The following MYRIP variants were observed in gnomAD, a reference collection of about 807,000 sequenced individuals.
The protein encoded by MYRIP is myosin VIIA and Rab interacting protein.
A neutral mutation model predicts 98.0 loss-of-function variants in MYRIP; 49 were observed. That is an observed-to-expected ratio of 0.50 (90% CI 0.40 to 0.63). MYRIP has a LOEUF of 0.63. MYRIP is among the 30% of genes least tolerant of loss of function. The pLI is 0.00. For missense variants in MYRIP, 1,004 were observed against 1,058.2 expected (o/e 0.95, Z 0.71); for synonymous variants, 404 against 409.5 (o/e 0.99, Z 0.16).
At chr3:39,945,480 A>AC (rs1294030878) in intron 2 of MYRIP, among the ~76,000 whole-genome samples, 1 of 142,060 alleles carries the variant, frequency 7.0e-6, no homozygotes, top group Non-Finnish European at 1.5e-5. Context: ...CCATCTCAAA[A>AC]AAAAAAAAAA....
At chr3:40,179,499 T>C (rs1950839737) in intron 8 of MYRIP, among the ~76,000 whole-genome samples, 1 of 152,188 alleles carries the variant, frequency 6.6e-6, no homozygotes, top group Non-Finnish European at 1.5e-5. Flanking sequence ...TCTGAGCCAC[T>C]GCAAAAATGA....
intron 2 of MYRIP, among the ~76,000 whole-genome samples, chr3:40,019,143 T>C (rs1946934838): frequency 6.6e-6 from 1 of 152,214 alleles, no homozygotes; most frequent in Non-Finnish European, 1.5e-5. Flanking sequence ...AGATTGATAG[T>C]TTCATTGCCC....
upstream of MYRIP, among the ~76,000 whole-genome samples, chr3:39,809,326 G>A (rs1940576367): frequency 2.7e-5 from 4 of 150,942 alleles, no homozygotes; most frequent in South Asian, 8.3e-4. Context: ...GCAGGGAAGA[G>A]CCCCGGGAGG....
At chr3:40,250,386 CAA>C in intron 14 of MYRIP, 51 bp from the exon 15 acceptor site, 1 of 1,613,144 alleles carries the variant, frequency 6.2e-7, no homozygotes, top group Non-Finnish European at 8.5e-7. Context: ...ATTTAGAAGA[CAA>C]AATATCTTTG....
At chr3:40,062,682 G>A (rs767175970) in intron 3 of MYRIP, among the ~76,000 whole-genome samples, 21 of 152,088 alleles carry the variant, frequency 1.4e-4, no homozygotes, top group South Asian at 4.2e-4. Flanking sequence ...AATCAGGATG[G>A]GTCTTCAAAA....
intron 2 of MYRIP, among the ~76,000 whole-genome samples, chr3:39,948,565 CAT>C (rs1944947218): frequency 6.6e-6 from 1 of 151,916 alleles, no homozygotes; most frequent in Non-Finnish European, 1.5e-5. Flanking sequence ...GCAGATTAAA[CAT>C]TGGTGAAGAT....
At chr3:39,809,312 C>A (rs983877829), upstream of MYRIP, among the ~76,000 whole-genome samples, 13 of 151,474 alleles carry the variant, frequency 8.6e-5, no homozygotes, top group African/African-American at 2.9e-4. Context: ...TACTGCACTG[C>A]GCCGCAGGGA....
At chr3:39,984,676 T>G (rs74568516) in intron 2 of MYRIP, among the ~76,000 whole-genome samples, 73,377 of 151,426 alleles carry the variant, frequency 0.48, 18,959 homozygotes, top group African/African-American at 0.69. Context: ...GAATAATGCC[T>G]CAATAAACAT....
At chr3:40,086,448 C>T (rs12054023) in intron 3 of MYRIP, among the ~76,000 whole-genome samples, 66,014 of 151,982 alleles carry the variant, frequency 0.43, 14,807 homozygotes, top group Admixed American at 0.5. Flanking sequence ...TTTCGCACTT[C>T]GGGCAGGCTC....
At chr3:39,902,625 A>C (rs1943770656) in intron 2 of MYRIP, among the ~76,000 whole-genome samples, 1 of 152,202 alleles carries the variant, frequency 6.6e-6, no homozygotes, top group South Asian at 2.1e-4. Flanking sequence ...GGTTTGAAGA[A>C]TCCACCTTAA....
At chr3:40,147,926 C>G (rs1950042381) in intron 3 of MYRIP, among the ~76,000 whole-genome samples, 1 of 152,190 alleles carries the variant, frequency 6.6e-6, no homozygotes, top group African/African-American at 2.4e-5. Flanking sequence ...TTTAGAGTCC[C>G]AAGATCCTCT....
intron 2 of MYRIP, among the ~76,000 whole-genome samples, chr3:39,994,693 G>A (rs1256212985): frequency 6.6e-6 from 1 of 152,178 alleles, no homozygotes; most frequent in Non-Finnish European, 1.5e-5. Flanking sequence ...GAGAATAATG[G>A]TTCTCCCAGC....
At position 40,199,289 on chromosome 3, in the gene MYRIP, A is replaced by G. The variant is rs540910132; in HGVS notation, c.1665+8826A>G. 1.7e-4 allele frequency among the ~76,000 whole-genome samples: 26 copies of G among 152,290 alleles called. No homozygotes were observed. In the South Asian group the frequency reaches 5.0e-3, roughly 29 times the overall value. On this transcript the variant is annotated intron_variant, in intron 10 of 16. Coordinates refer to ENST00000302541, the MANE Select transcript of MYRIP (RefSeq NM_015460.4). ...GGGTTGCTTCTCATAATGTCACTCA[A>G]TGTTGGCCAATCCTTCACAGCAGGC...
chr3:39,836,725 T>C (rs1301695711), intron 1 of MYRIP, among the ~76,000 whole-genome samples: 1 of 152,216 alleles, frequency 6.6e-6, no homozygotes, highest in Non-Finnish European at 1.5e-5. Flanking sequence ...GCCGCCACCC[T>C]GAGCAGCTCC....
rs543599041 is a variant in MYRIP at position 39,972,811 on chromosome 3, C to G, written c.111-71239C>G. Among the ~76,000 whole-genome samples the G allele has an allele frequency of 1.1e-3, 162 of 150,130 alleles. 1 individual carries two copies. The highest frequency in any genetic ancestry group is 3.8e-3 in the African/African-American group (152 of 40,080). On this transcript the variant is annotated intron_variant, in intron 2 of 16. Transcript: ENST00000302541. ...GAATGGGTCCTTCTTTCCATAGTGGCAGTGAAGCTAGGGTACATTGACGGG... is the reference window on the plus strand; with the variant it reads ...GAATGGGTCCTTCTTTCCATAGTGGGAGTGAAGCTAGGGTACATTGACGGG...
chr3:40,013,467 C>T (rs1002899674), intron 2 of MYRIP, among the ~76,000 whole-genome samples: 3 of 152,212 alleles, frequency 2.0e-5, no homozygotes, highest in Admixed American at 6.5e-5. Context: ...GAGTCTTATT[C>T]CTGTCTGAAA....
intron 2 of MYRIP, among the ~76,000 whole-genome samples, chr3:39,978,327 C>G (rs1945805118): frequency 6.6e-6 from 1 of 152,198 alleles, no homozygotes; most frequent in Non-Finnish European, 1.5e-5. Flanking sequence ...GGTTACTGAA[C>G]AAGTAGCATC....
intron 2 of MYRIP, among the ~76,000 whole-genome samples, chr3:40,026,403 A>G (rs990680502): frequency 3.3e-5 from 5 of 152,218 alleles, no homozygotes; most frequent in Admixed American, 2.6e-4. Context: ...ATCAGATTTC[A>G]TGTTGTTCAA....
chr3:39,937,820 T>A (rs1299324672), intron 2 of MYRIP, among the ~76,000 whole-genome samples: 1 of 152,160 alleles, frequency 6.6e-6, no homozygotes, highest in Non-Finnish European at 1.5e-5. Flanking sequence ...CAGGGAAGAA[T>A]GAACACTCCA....
Sources: allele counts gnomAD v4.1 joint callset (sites outside exome capture counted in the v4.1 genomes callset), GRCh38; gene constraint gnomAD v4.1.1; transcripts MANE v1.5; gene names NCBI Gene and HGNC (gene_info 2026-07-23, HGNC 2026-07-21).